ERC2: variants seen among roughly 807,000 people sequenced by gnomAD.
ERC2 encodes ELKS/RAB6-interacting/CAST family member 2.
Under a neutral mutation model 114.8 loss-of-function variants are expected in ERC2, and 42 were observed. The ratio of observed to expected loss-of-function variants is 0.37; its 90% CI spans 0.29 to 0.47. The LOEUF (loss-of-function observed/expected upper bound fraction) is 0.47, where lower values mean the gene tolerates loss of function less well. Among genes scored for constraint, ERC2 ranks in the 20% least tolerant of loss-of-function variants. ERC2 has a pLI of 0.99. For synonymous variants in ERC2, 454 were observed against 425.5 expected, an observed-to-expected ratio of 1.07 and a Z score of -0.82; for missense variants, 939 against 1,150.7, an observed-to-expected ratio of 0.82 and a Z score of 2.66.
At chr3:56,316,464 C>T (rs1216291175) in intron 2 of ERC2, among the ~76,000 whole-genome samples, 2 of 152,094 alleles carry the variant, frequency 1.3e-5, no homozygotes, top group African/African-American at 4.8e-5. Context: ...TAGTTAAGAA[C>T]CTGAGTCCTG....
At chr3:55,796,080 G>T (rs919856880) in intron 14 of ERC2, among the ~76,000 whole-genome samples, 3 of 152,244 alleles carry the variant, frequency 2.0e-5, no homozygotes, top group African/African-American at 7.2e-5. Flanking sequence ...TGGTGGTTGA[G>T]GGGGGAGGGT....
At chr3:56,041,768 C>T (rs1212579232) in intron 7 of ERC2, among the ~76,000 whole-genome samples, 1 of 152,102 alleles carries the variant, frequency 6.6e-6, no homozygotes, top group Non-Finnish European at 1.5e-5. Context: ...GTCCTCAGGT[C>T]CCTAGCCAAT....
At chr3:55,603,505 G>GTA (rs200159317) in intron 17 of ERC2, among the ~76,000 whole-genome samples, 96,292 of 151,448 alleles carry the variant, frequency 0.64, 32,330 homozygotes, top group East Asian at 0.85. Context: ...GGTGGTGGAC[G>GTA]CCTGTAGTCC....
At chr3:56,441,932 C>T (rs545680594) in intron 1 of ERC2, among the ~76,000 whole-genome samples, 1 of 152,156 alleles carries the variant, frequency 6.6e-6, no homozygotes, top group African/African-American at 2.4e-5. Context: ...CCACTGCTTG[C>T]GAGGCTAAGG....
chr3:55,601,090 G>A (rs188060290), intron 17 of ERC2, among the ~76,000 whole-genome samples: 6 of 152,358 alleles, frequency 3.9e-5, no homozygotes, highest in Admixed American at 1.3e-4. Flanking sequence ...TGTGAGGAAG[G>A]CCACATTGGT....
chr3:56,393,341 T>C (rs1369261178), intron 2 of ERC2, among the ~76,000 whole-genome samples: 2 of 152,176 alleles, frequency 1.3e-5, no homozygotes, highest in Non-Finnish European at 2.9e-5. Context: ...GAAGTTGTAG[T>C]TAGCCGAGAT....
At chr3:56,114,098 A>G (rs2079105530) in intron 6 of ERC2, among the ~76,000 whole-genome samples, 1 of 152,222 alleles carries the variant, frequency 6.6e-6, no homozygotes, top group African/African-American at 2.4e-5. Context: ...TTGGCTAAGT[A>G]TACATATTTA....
At chr3:55,751,166 G>T (rs562035514) in intron 14 of ERC2, among the ~76,000 whole-genome samples, 4 of 152,194 alleles carry the variant, frequency 2.6e-5, no homozygotes, top group African/African-American at 9.6e-5. Context: ...CTTGTGAAAA[G>T]TGTTTGGCAC....
At chr3:55,807,203 G>A (rs2059527474) in intron 14 of ERC2, among the ~76,000 whole-genome samples, 1 of 152,150 alleles carries the variant, frequency 6.6e-6, no homozygotes, top group African/African-American at 2.4e-5. Flanking sequence ...ATTGCACCAG[G>A]CACTAGAGTA....
In ERC2 at chr3:55,508,693, C is replaced by T. The variant is rs1404264932; in HGVS notation, c.*2623G>A. 3 of 152,496 alleles carry T rather than the reference C, an allele frequency of 2.0e-5. No individual in the cohort carries two copies. The highest frequency in any genetic ancestry group is 7.2e-5 in the African/African-American group (3 of 41,398). 9.4% of individuals were successfully genotyped at this position (152,496 alleles called of 1,614,324 possible). On this transcript the variant is annotated 3_prime_UTR_variant, in exon 18 of 18. Coordinates refer to ENST00000288221, the MANE Select transcript of ERC2 (RefSeq NM_015576.3). The stretch of plus-strand genomic sequence containing the variant: ...GCTTACGTCAACACATCTGAGGTCT[C>T]GTCATAAACACTGTTTAAAAAGTAA...
chr3:56,365,515 C>T (rs1171507279), intron 2 of ERC2, among the ~76,000 whole-genome samples: 1 of 152,242 alleles, frequency 6.6e-6, no homozygotes, highest in Non-Finnish European at 1.5e-5. Flanking sequence ...TGATGCATGG[C>T]TGCATTTGTT....
intron 17 of ERC2, among the ~76,000 whole-genome samples, chr3:55,570,450 C>G (rs766049516): frequency 3.3e-5 from 5 of 152,072 alleles, no homozygotes; most frequent in Non-Finnish European, 7.4e-5. Flanking sequence ...AGTAACCTGA[C>G]GAGATAATGA....
chr3:55,831,870 ACGG>A (rs2060615249), intron 14 of ERC2, among the ~76,000 whole-genome samples: 1 of 152,208 alleles, frequency 6.6e-6, no homozygotes, highest in South Asian at 2.1e-4. Flanking sequence ...GGGGTGACAG[ACGG>A]CACCTGGAAA....
At chr3:55,631,540 A>G (rs1159671864) in intron 17 of ERC2, among the ~76,000 whole-genome samples, 2 of 152,210 alleles carry the variant, frequency 1.3e-5, no homozygotes, top group Non-Finnish European at 2.9e-5. Flanking sequence ...TCTGCCAACT[A>G]AATGGACCAT....
At chr3:55,664,390 T>C (rs2061269347) in intron 17 of ERC2, among the ~76,000 whole-genome samples, 2 of 152,196 alleles carry the variant, frequency 1.3e-5, no homozygotes, top group African/African-American at 4.8e-5. Flanking sequence ...ACAAGCTTGG[T>C]TTCTGTGTTT....
chr3:55,888,296 G>C, intron 14 of ERC2, 93 bp downstream of exon 14: 1 of 1,389,600 alleles, frequency 7.2e-7, no homozygotes, highest in Non-Finnish European at 9.8e-7. Context: ...TTCTTTTTCT[G>C]AGCTCTTTCT....
intron 2 of ERC2, among the ~76,000 whole-genome samples, chr3:56,401,080 G>A (rs1472320438): frequency 6.6e-6 from 1 of 152,218 alleles, no homozygotes; most frequent in Non-Finnish European, 1.5e-5. Context: ...TAGGGAAACA[G>A]TCTGTGAACT....
intron 8 of ERC2, among the ~76,000 whole-genome samples, chr3:56,015,665 T>C (rs1037658668): frequency 1.3e-5 from 2 of 152,172 alleles, no homozygotes; most frequent in Admixed American, 6.6e-5. Context: ...AGTACTGCAA[T>C]GAACATATGC....
At chr3:56,348,031 A>G (rs574151818) in intron 2 of ERC2, among the ~76,000 whole-genome samples, 1 of 152,332 alleles carries the variant, frequency 6.6e-6, no homozygotes, top group South Asian at 2.1e-4. Flanking sequence ...GAGTGGACAC[A>G]TAATTCTCAA....
Sources: gnomAD v4.1 joint callset for allele counts (sites outside exome capture counted in the v4.1 genomes callset) on GRCh38, gnomAD v4.1.1 for gene constraint, MANE v1.5 for transcripts, NCBI Gene and HGNC (gene_info 2026-07-23, HGNC 2026-07-21) for gene names.